Variants in KAZN observed in about 807,000 individuals in gnomAD.
The protein encoded by KAZN is kazrin, periplakin interacting protein.
KAZN carries 40 observed loss-of-function variants against 87.4 expected under a neutral mutation model. The ratio of observed to expected loss-of-function variants is 0.46; its 90% CI spans 0.36 to 0.60. The LOEUF is 0.60. Among genes scored for constraint, KAZN ranks in the 20% least tolerant of loss-of-function variants. The pLI, the probability that KAZN is intolerant of heterozygous loss-of-function variation, is 0.00. For synonymous variants in KAZN, 466 were observed against 458.3 expected, an observed-to-expected ratio of 1.02 and a Z score of -0.22; for missense variants, 898 against 1,073.9, an observed-to-expected ratio of 0.84 and a Z score of 2.29.
intron 2 of KAZN, among the ~76,000 whole-genome samples, chr1:14,359,501 C>T (rs1402888603): frequency 6.6e-6 from 1 of 152,006 alleles, no homozygotes; most frequent in East Asian, 1.9e-4. Flanking sequence ...GTTATTTTGC[C>T]CATTAGTTGA....
At position 15,063,560 on chromosome 1, in the gene KAZN, C is replaced by A. The variant is rs1469763941; in HGVS notation, c.1048-12C>A. 6.2e-7 allele frequency: 1 copy of A among 1,613,192 alleles called. No individual in the cohort carries two copies. The highest frequency in any genetic ancestry group is 1.7e-5 in the Admixed American group (1 of 60,028). ...TCTGCTGTTTCATCTTCCTCTTCTCCTCTGGCTACAGGGCGACAGTCCCGG... is the reference window on the plus strand; with the variant it reads ...TCTGCTGTTTCATCTTCCTCTTCTCATCTGGCTACAGGGCGACAGTCCCGG... On this transcript the variant is annotated splice_polypyrimidine_tract_variant and intron_variant, in intron 6 of 14. Coordinates refer to ENST00000376030, the MANE Select transcript of KAZN (RefSeq NM_201628.3).
chr1:14,211,020 CTT>C (rs1377532930), intron 2 of KAZN, among the ~76,000 whole-genome samples: 2 of 151,974 alleles, frequency 1.3e-5, no homozygotes, highest in Non-Finnish European at 2.9e-5. Context: ...TAAAAATAGT[CTT>C]TACCTCTTAG....
chr1:14,596,139 C>A (rs1020665544), upstream of KAZN, among the ~76,000 whole-genome samples: 1 of 152,168 alleles, frequency 6.6e-6, no homozygotes. Flanking sequence ...ACACTTACTA[C>A]GGGCTAGGGC....
intron 1 of KAZN, among the ~76,000 whole-genome samples, chr1:14,120,693 G>A (rs1644734068): frequency 6.6e-6 from 1 of 152,114 alleles, no homozygotes; most frequent in African/African-American, 2.4e-5. Flanking sequence ...GAGGGGATTG[G>A]CAGTGTTCTC....
At chr1:14,589,996 G>C (rs918799860) in intron 2 of KAZN, among the ~76,000 whole-genome samples, 3 of 152,036 alleles carry the variant, frequency 2.0e-5, no homozygotes, top group African/African-American at 7.2e-5. Flanking sequence ...AAATAAATGT[G>C]AAAGAGCAAA....
chr1:14,644,002 C>CTTTTTTTTT (rs34535562), intron 1 of KAZN, among the ~76,000 whole-genome samples: 13 of 60,374 alleles, frequency 2.2e-4, no homozygotes, highest in East Asian at 1.1e-3. Context: ...CCTTTGCCCA[C>CTTTTTTTTT]TTTTTTTTTT....
chr1:14,294,831 C>T (rs1308266977), intron 2 of KAZN, among the ~76,000 whole-genome samples: 1 of 151,506 alleles, frequency 6.6e-6, no homozygotes, highest in Non-Finnish European at 1.5e-5. Flanking sequence ...TTTTCTTTAC[C>T]AACTCTAGAG....
intron 1 of KAZN, among the ~76,000 whole-genome samples, chr1:14,026,424 T>C (rs1448246315): frequency 6.6e-6 from 1 of 152,198 alleles, no homozygotes; most frequent in African/African-American, 2.4e-5. Context: ...GGGTTCCAGA[T>C]TCCATCTTAG....
chr1:14,194,025 T>C (rs915593447), intron 2 of KAZN, among the ~76,000 whole-genome samples: 1 of 152,116 alleles, frequency 6.6e-6, no homozygotes, highest in African/African-American at 2.4e-5. Flanking sequence ...TTTCTTTTCA[T>C]CATCATTACT....
chr1:14,320,645 C>A (rs922534927), intron 2 of KAZN, among the ~76,000 whole-genome samples: 1 of 152,180 alleles, frequency 6.6e-6, no homozygotes, highest in Non-Finnish European at 1.5e-5. Context: ...GCAAAAGCAG[C>A]CATGACTCAA....
At chr1:14,355,461 T>C (rs1013634476) in intron 2 of KAZN, among the ~76,000 whole-genome samples, 1 of 152,040 alleles carries the variant, frequency 6.6e-6, no homozygotes, top group Non-Finnish European at 1.5e-5. Flanking sequence ...AGTTCTGAGA[T>C]ACATGTGCAG....
At chr1:14,206,292 T>G (rs1646743433) in intron 2 of KAZN, among the ~76,000 whole-genome samples, 1 of 152,228 alleles carries the variant, frequency 6.6e-6, no homozygotes, top group Non-Finnish European at 1.5e-5. Flanking sequence ...GAAATATAGA[T>G]GCATGCAGAA....
At chr1:14,011,239 G>A (rs762040205) in intron 1 of KAZN, among the ~76,000 whole-genome samples, 7 of 152,168 alleles carry the variant, frequency 4.6e-5, no homozygotes, top group African/African-American at 1.2e-4. Context: ...AAGACCTCAC[G>A]TGATCTGGTG....
intron 2 of KAZN, among the ~76,000 whole-genome samples, chr1:14,382,816 T>C (rs995671589): frequency 4.0e-5 from 6 of 151,666 alleles, no homozygotes; most frequent in African/African-American, 1.5e-4. Context: ...TGATTTATAG[T>C]CCTTTGGGTA....
chr1:14,121,880 C>T (rs1644758781), intron 1 of KAZN, among the ~76,000 whole-genome samples: 1 of 152,164 alleles, frequency 6.6e-6, no homozygotes, highest in African/African-American at 2.4e-5. Context: ...GAGCAAAGAA[C>T]ATTCCAGATG....
At chr1:14,841,918 T>A (rs769667499) in intron 1 of KAZN, among the ~76,000 whole-genome samples, 1 of 152,200 alleles carries the variant, frequency 6.6e-6, no homozygotes, top group African/African-American at 2.4e-5. Context: ...CCAGGCTAGC[T>A]GTGCTCCTGC....
chr1:14,491,377 C>T (rs1391933595), intron 2 of KAZN, among the ~76,000 whole-genome samples: 1 of 152,072 alleles, frequency 6.6e-6, no homozygotes, highest in African/African-American at 2.4e-5. Flanking sequence ...TAGGTATAGA[C>T]GTGCCATGGT....
intron 1 of KAZN, among the ~76,000 whole-genome samples, chr1:14,875,376 A>AG (rs60354112): frequency 1 from 144,565 of 144,570 alleles, 72,280 homozygotes; most frequent in Middle Eastern, 1. Context: ...TTTTATGTAA[A>AG]TGTTATTTAT....
intron 1 of KAZN, among the ~76,000 whole-genome samples, chr1:13,909,422 G>T (rs1378751615): frequency 6.6e-6 from 1 of 152,162 alleles, no homozygotes. Context: ...CTCTTAGGTA[G>T]TGAGGAGGAG....
Sources: allele counts gnomAD v4.1 joint callset (sites outside exome capture counted in the v4.1 genomes callset), GRCh38; gene constraint gnomAD v4.1.1; transcripts MANE v1.5; gene names NCBI Gene and HGNC (gene_info 2026-07-23, HGNC 2026-07-21).